The following SEC16A variants were observed in gnomAD, a reference collection of about 807,000 sequenced individuals.
SEC16A encodes SEC16 homolog A, endoplasmic reticulum export factor.
A neutral mutation model predicts 221.9 loss-of-function variants in SEC16A; 110 were observed. The ratio of observed to expected loss-of-function variants is 0.50; its 90% CI spans 0.42 to 0.58. The LOEUF (loss-of-function observed/expected upper bound fraction) is 0.58. Among genes scored for constraint, SEC16A ranks in the 20% least tolerant of loss-of-function variants. SEC16A has a pLI of 0.00. For synonymous variants in SEC16A, 1,393 were observed against 1,257.7 expected (o/e 1.11, Z -2.28); for missense variants, 3,165 against 3,097.8 (o/e 1.02, Z -0.52).
intron 12 of SEC16A, among the ~76,000 whole-genome samples, chr9:136,461,560 C>A (rs1336045886): frequency 6.6e-6 from 1 of 152,226 alleles, no homozygotes; most frequent in African/African-American, 2.4e-5. Flanking sequence ...TCACGCAGCG[C>A]TGCCCACCAC....
intron 31 of SEC16A, among the ~76,000 whole-genome samples, chr9:136,442,204 C>G (rs1200521368): frequency 1.3e-5 from 2 of 152,216 alleles, no homozygotes; most frequent in African/African-American, 4.8e-5. Context: ...GACAGCTGGC[C>G]AATGCAGGCA....
intron 2 of SEC16A, among the ~76,000 whole-genome samples, chr9:136,477,908 G>A (rs1017441370): frequency 2.6e-5 from 4 of 152,098 alleles, no homozygotes; most frequent in South Asian, 2.1e-4. Flanking sequence ...GCCTGGCTGC[G>A]AGCTGATGGA....
chr9:136,464,653 A>G, intron 8 of SEC16A, 91 bp from the exon 9 acceptor site: 1 of 1,177,338 alleles, frequency 8.5e-7, no homozygotes, highest in Non-Finnish European at 1.2e-6. Context: ...AGCTTAAATC[A>G]CAGGTTAGAT....
chr9:136,459,785 C>T lies in SEC16A; in HGVS notation c.5163G>A (p.Arg1721=). 1.9e-6 allele frequency: 3 copies of T among 1,612,162 alleles called. No homozygotes were observed. The highest frequency in any genetic ancestry group is 2.2e-5 in the East Asian group (1 of 44,862). ...NLNNNMDVES[R]TMATMGDTLA... ...GAGTGTCGCCCATGGTAGCCATCGTCCTGGACTCGACGTCCATGTTGTTGT... is the reference window on the plus strand; with the variant it reads ...GAGTGTCGCCCATGGTAGCCATCGTTCTGGACTCGACGTCCATGTTGTTGT... Residue 1721 remains arginine, a synonymous_variant, in exon 15 of 32, where the codon AGG becomes AGA. Coordinates refer to ENST00000684901, the MANE Select transcript of SEC16A (RefSeq NM_014866.2). This position sits in a 1 kb window ranked among gnomAD's most constrained non-coding sequence, Gnocchi z 6.1.
At chr9:136,471,315 AT>A (rs1002302065) in intron 4 of SEC16A, among the ~76,000 whole-genome samples, 5 of 150,062 alleles carry the variant, frequency 3.3e-5, no homozygotes, top group African/African-American at 1.2e-4. Flanking sequence ...AAAAAAAAAA[AT>A]GAACAAAATT....
chr9:136,482,385 T>G (rs1842493368), intron 1 of SEC16A, among the ~76,000 whole-genome samples: 1 of 152,172 alleles, frequency 6.6e-6, no homozygotes, highest in Non-Finnish European at 1.5e-5. Flanking sequence ...AAAACTGACT[T>G]TAAATGGCTC....
chr9:136,446,996 C>T, intron 27 of SEC16A, 47 bp from the exon 28 acceptor site: 5 of 1,612,576 alleles, frequency 3.1e-6, no homozygotes, highest in Non-Finnish European at 4.2e-6. Context: ...CCGAACGTCC[C>T]TGGGGTCTCA....
rs1564529052 is a variant in SEC16A at position 136,474,861 on chromosome 9, T to G, written c.2755A>C (p.Asn919His). 1 of 1,613,884 alleles carries G rather than the reference T, an allele frequency of 6.2e-7. No individual in the cohort carries two copies. Among genetic ancestry groups the G allele is most frequent in the Admixed American group, 1.7e-5 (1 of 60,022 alleles). Residue 919 changes from asparagine (N) to histidine (H), a missense_variant, in exon 3 of 32, where the codon AAT becomes CAT. This residue lies in a region of SEC16A where 2,030 missense variants were observed against 1,923.1 expected (regional missense o/e 1.06). Coordinates refer to ENST00000684901, the MANE Select transcript of SEC16A (RefSeq NM_014866.2). ...QGSGASEMVS[N>H]QPANLLVQPP... Reference sequence around the variant, plus strand: ...TGAACCAGCAAATTAGCAGGCTGATTAGAAACCATTTCGGAAGCACCAGAA... The same window carrying G: ...TGAACCAGCAAATTAGCAGGCTGATGAGAAACCATTTCGGAAGCACCAGAA...
At position 136,453,290 on chromosome 9, in the gene SEC16A, A is replaced by C. The variant is rs192207487; in HGVS notation, c.6159+138T>G. On this transcript the variant is annotated intron_variant, in intron 22 of 31. Coordinates refer to ENST00000684901, the MANE Select transcript of SEC16A (RefSeq NM_014866.2). ...TTAAGGATGAAAGCTATTTAGAAGC[A>C]CTTTCACTTTAAGAAACAATTTTAG... 3.1e-3 allele frequency: 1,890 copies of C among 607,922 alleles called. 9 individuals carry two copies. The highest frequency in any genetic ancestry group is 4.4e-3 in the Non-Finnish European group (1,521 of 343,752). The allele number at this position is 607,922 out of a possible 1,614,324, so 37.7% of individuals were successfully genotyped here. A position where few individuals can be genotyped will look rare whatever the true frequency, so the allele number is the denominator to read the frequency against.
chr9:136,467,219 CCA>C (rs1840275454), intron 5 of SEC16A, 136 bp from the exon 6 acceptor site: 4 of 966,918 alleles, frequency 4.1e-6, no homozygotes, highest in Non-Finnish European at 6.1e-6. Flanking sequence ...TTCCTGGAAA[CCA>C]GCACGACACC....
intron 8 of SEC16A, among the ~76,000 whole-genome samples, chr9:136,465,470 CAA>C (rs749170914): frequency 1.2e-4 from 19 of 152,188 alleles, no homozygotes; most frequent in Non-Finnish European, 2.6e-4. Flanking sequence ...AAAAAACAAA[CAA>C]ACAAAAAAAC....
intron 13 of SEC16A, 76 bp downstream of exon 13, chr9:136,461,101 C>G: frequency 8.7e-7 from 1 of 1,152,408 alleles, no homozygotes; most frequent in Admixed American, 2.0e-5. Flanking sequence ...TGCCGCCTGC[C>G]CCCAGGGTGC....
chr9:136,455,905 A>G, intron 19 of SEC16A, 112 bp from the exon 20 acceptor site: 1 of 1,254,736 alleles, frequency 8.0e-7, no homozygotes, highest in South Asian at 1.5e-5. Context: ...GGAGGCACTC[A>G]AAGCCCTTTC....
rs760427469 is a variant in SEC16A, at chr9:136,447,266, G to T, written c.6658C>A (p.Pro2220Thr). 1 of 1,597,132 alleles carries T rather than the reference G, an allele frequency of 6.3e-7. No homozygotes were observed. Among genetic ancestry groups the T allele is most frequent in the South Asian group, 1.1e-5 (1 of 87,992 alleles). The change falls in exon 27 of 32, where the codon CCA becomes ACA. Residue 2220 changes from proline to threonine, a missense_variant. Transcript: ENST00000684901. This position sits in a 1 kb window ranked among gnomAD's most constrained non-coding sequence, Gnocchi z 5.5. The stretch of plus-strand genomic sequence containing the variant: ...AACAAGTTAGAAGGAATTGGGAGTG[G>T]CGCGAGTGGAGCGACAAAGTCCGCA... Reference protein sequence around the residue: ...APADFVAPLAPLPIPSNLFVP... With the variant: ...APADFVAPLATLPIPSNLFVP...
In SEC16A at chr9:136,474,293, G is replaced by A. The variant is rs781014862; in HGVS notation, c.3323C>T (p.Ala1108Val). ...AGGCCGAGGGGGCAGCTGCTGACCC[G>A]CGTCGACCAGAACCAGACTTGCTGG... ...QSPASLVLVD[A>V]GQQLPPRPPQ... is the part of the protein sequence containing the mutation. Residue 1108 changes from alanine to valine, a missense_variant, in exon 3 of 32, where the codon GCG (alanine) becomes GTG (valine). By Grantham distance (64) the Ala-to-Val change is moderately conservative. This residue lies in a region of SEC16A where 2,030 missense variants were observed against 1,923.1 expected (regional missense o/e 1.06). Coordinates refer to ENST00000684901, the MANE Select transcript of SEC16A (RefSeq NM_014866.2). The A allele has an allele frequency of 7.6e-5, 123 of 1,608,364 alleles. No homozygotes were observed. Among genetic ancestry groups the A allele is most frequent in the East Asian group, 1.6e-4 (7 of 44,730 alleles).
At chr9:136,442,315 C>T (rs141909492) in intron 31 of SEC16A, among the ~76,000 whole-genome samples, 4 of 152,254 alleles carry the variant, frequency 2.6e-5, no homozygotes, top group African/African-American at 7.2e-5. Context: ...ATACCAAAAT[C>T]GACTAGTCTG....
chr9:136,466,782 T>C lies in SEC16A; in HGVS notation c.3929+175A>G, dbSNP rs2132541378. ...CCAGTTCTCCTCTAACAGTCCAAGCTGGGAACCCTGGGAGGGTCTGCTCCC... is the reference window on the plus strand; with the variant it reads ...CCAGTTCTCCTCTAACAGTCCAAGCCGGGAACCCTGGGAGGGTCTGCTCCC... On this transcript the variant is annotated intron_variant, in intron 6 of 31. Transcript: ENST00000684901. The surrounding 1 kb of genome is among the most constrained non-coding windows in gnomAD (Gnocchi z 5.5). Among the ~76,000 whole-genome samples the C allele has an allele frequency of 6.6e-6, 1 of 152,316 alleles. No individual in the cohort carries two copies. Among genetic ancestry groups the C allele is most frequent in the East Asian group, 1.9e-4 (1 of 5,184 alleles).
Position 136,476,587 on chromosome 9 carries a change from T to G in SEC16A, c.1029A>C (p.Pro343=), listed in dbSNP as rs200359757. ...LVNPLARGDS[P]ENRTHHPLGA... ...CCAGTGGGTGGTGCGTACGGTTTTC[T>G]GGGCTATCTCCCCGGGCGAGGGGGT... Residue 343 remains proline (P), a synonymous_variant, in exon 3 of 32, where the codon CCA becomes CCC. Coordinates refer to ENST00000684901, the MANE Select transcript of SEC16A (RefSeq NM_014866.2). 1.2e-6 allele frequency: 2 copies of G among 1,604,906 alleles called. No homozygotes were observed. The highest frequency in any genetic ancestry group is 2.7e-5 in the African/African-American group (2 of 74,690).
upstream of SEC16A, chr9:136,484,423 C>T: frequency 8.3e-7 from 1 of 1,199,694 alleles, no homozygotes; most frequent in East Asian, 5.8e-5. Flanking sequence ...CCGAGGGAGG[C>T]TGAGCGGTTG....
Sources: allele counts gnomAD v4.1 joint callset (sites outside exome capture counted in the v4.1 genomes callset), GRCh38; gene constraint gnomAD v4.1.1; regional missense constraint gnomAD v4.1.1; non-coding constraint Gnocchi (gnomAD v3.1); transcripts MANE v1.5; gene names NCBI Gene and HGNC (gene_info 2026-07-23, HGNC 2026-07-21).